POM121: variants seen among roughly 807,000 people sequenced by gnomAD.
The protein encoded by POM121 is POM121 transmembrane nucleoporin.
In POM121, 32 loss-of-function variants were observed where a neutral mutation model predicts 81.3. The ratio of observed to expected loss-of-function variants is 0.39; its 90% CI spans 0.30 to 0.53. The LOEUF (loss-of-function observed/expected upper bound fraction) is 0.53, where lower values mean the gene tolerates loss of function less well. Among genes scored for constraint, POM121 ranks in the 20% least tolerant of loss-of-function variants. POM121 has a pLI of 0.66. For synonymous variants in POM121, 514 were observed against 694.2 expected (o/e 0.74, Z 4.08); for missense variants, 1,138 against 1,614.6 (o/e 0.70, Z 5.06).
At chr7:72,928,160 A>G (rs1795650839) in intron 3 of POM121, among the ~76,000 whole-genome samples, 1 of 152,154 alleles carries the variant, frequency 6.6e-6, no homozygotes, top group Admixed American at 6.5e-5. Flanking sequence ...CAGTGAGCCA[A>G]GATCGTGCTA....
downstream of POM121, chr7:72,949,696 A>G (rs1216722835): frequency 4.3e-6 from 3 of 693,736 alleles, no homozygotes; most frequent in Admixed American, 4.1e-5. Flanking sequence ...TCACACCTGC[A>G]GTGGGGAAAG....
At chr7:72,911,792 A>G (rs1793831823) in intron 3 of POM121, among the ~76,000 whole-genome samples, 3 of 152,216 alleles carry the variant, frequency 2.0e-5, no homozygotes. Flanking sequence ...GCTTGTTGTT[A>G]TATCCCTAGT....
At position 72,925,700 on chromosome 7, in the gene POM121, C is replaced by T. The variant is rs1795366261; in HGVS notation, c.579C>T (p.Arg193=). The T allele has an allele frequency of 9.5e-6, 12 of 1,266,116 alleles. No homozygotes were observed. The highest frequency in any genetic ancestry group is 4.8e-5 in the African/African-American group (3 of 62,362). 78.4% of individuals were successfully genotyped at this position (1,266,116 alleles called of 1,614,324 possible). A position where few individuals can be genotyped will look rare whatever the true frequency, so the allele number is the denominator to read the frequency against. The part of the protein sequence containing the change: ...RSPPPSPPTH[R]AHHVYPSLPT... Reference sequence around the variant, plus strand: ...CCCCGCCCTCCCCGCCGACCCATCGCGCTCACCACGTTTACCCCTCTCTGC... The same window carrying T: ...CCCCGCCCTCCCCGCCGACCCATCGTGCTCACCACGTTTACCCCTCTCTGC... Residue 193 remains arginine (R), a synonymous_variant, in exon 1 of 13, where the codon CGC becomes CGT. Coordinates refer to ENST00000434423, the MANE Select transcript of POM121 (RefSeq NM_001387691.1).
At position 72,942,987 on chromosome 7, in the gene POM121, A is replaced by T. The variant is rs781785796; in HGVS notation, c.2994A>T (p.Gly998=). ...GCTTTGGCAGCTCTTTCACTTTTGG[A>T]AACTCTGCAGCCCCGGCTGCTGCAC... ...APSFGSSFTF[G]NSAAPAAAPT... Residue 998 remains glycine, a synonymous_variant, in exon 11 of 13, where the codon GGA becomes GGT. Coordinates refer to ENST00000434423, the MANE Select transcript of POM121 (RefSeq NM_001387691.1). 38 of 1,610,158 alleles carry T rather than the reference A, an allele frequency of 2.4e-5. No homozygotes were observed. The highest frequency in any genetic ancestry group is 3.1e-5 in the Non-Finnish European group (37 of 1,179,108).
At chr7:72,924,417 A>G (rs1554496615), upstream of POM121, 1 of 152,246 alleles carries the variant, frequency 6.6e-6, no homozygotes. Flanking sequence ...GCAGACTACC[A>G]GACTTTTTAA....
chr7:72,903,715 T>A (rs1792943494), intron 3 of POM121, among the ~76,000 whole-genome samples: 1 of 152,254 alleles, frequency 6.6e-6, no homozygotes, highest in South Asian at 2.1e-4. Context: ...TTTCCCTCTT[T>A]GTGGATTGCC....
intron 3 of POM121, among the ~76,000 whole-genome samples, chr7:72,912,247 A>G (rs1490799016): frequency 6.6e-6 from 1 of 152,226 alleles, no homozygotes; most frequent in Non-Finnish European, 1.5e-5. Flanking sequence ...AGTGCTCGCC[A>G]CGCACCATAT....
rs149716008 is a variant in POM121 at position 72,928,386 on chromosome 7, C to T, written c.1024C>T (p.Arg342Cys). 1.1e-5 allele frequency: 17 copies of T among 1,614,052 alleles called. No individual in the cohort carries two copies. Among genetic ancestry groups the T allele is most frequent in the African/African-American group, 2.7e-5 (2 of 74,920 alleles). ...FLDGQENKRR[R>C]HDSSGSGHSA... Reference sequence around the variant, plus strand: ...TGAGACTTTTTTGATTTGTCGCAGGCGCCATGATAGCAGTGGCAGTGGACA... The same window carrying T: ...TGAGACTTTTTTGATTTGTCGCAGGTGCCATGATAGCAGTGGCAGTGGACA... Residue 342 changes from arginine (R) to cysteine (C), a missense_variant and splice_region_variant, in exon 4 of 13, where the codon CGC (arginine) becomes TGC (cysteine). By Grantham distance (180) the Arg-to-Cys change is radical. This residue lies in a region of POM121 where 646 missense variants were observed against 633.5 expected (regional missense o/e 1.02). Coordinates refer to ENST00000434423, the MANE Select transcript of POM121 (RefSeq NM_001387691.1).
rs782700037 is a variant in POM121, at chr7:72,939,384, A to G, written c.1416A>G (p.Ala472=). The G allele has an allele frequency of 4.3e-6, 7 of 1,613,860 alleles. No homozygotes were observed. The South Asian group carries it at 7.7e-5, about 18-fold the overall frequency. Residue 472 remains alanine, a synonymous_variant, in exon 7 of 13, where the codon GCA becomes GCG. Transcript: ENST00000434423. ...HHSSSSTPLA[A]DRESQGEKAA... is the part of the protein sequence containing the mutation. The stretch of plus-strand genomic sequence containing the variant: ...CCAGTTCTTCAACTCCATTGGCAGC[A>G]GACAGGGAGTCCCAGGGAGAAAAGG...
exon 3 of POM121, chr7:72,891,073 G>A (rs568876661): frequency 9.4e-7 from 1 of 1,064,398 alleles, no homozygotes; most frequent in East Asian, 2.4e-5. Flanking sequence ...AGGAGCTGTG[G>A]ATAACGGGAG....
chr7:72,948,542 T>C (rs782273919), downstream of POM121: 6 of 1,613,392 alleles, frequency 3.7e-6, 1 homozygote, highest in African/African-American at 6.7e-5. Flanking sequence ...TTCTTTCTCT[T>C]TGGGGCTGGG....
intron 4 of POM121, among the ~76,000 whole-genome samples, chr7:72,914,244 T>C (rs1335041707): frequency 2.6e-5 from 4 of 152,198 alleles, no homozygotes; most frequent in African/African-American, 4.8e-5. Flanking sequence ...TATCAGCTCC[T>C]GGTTTTGTGA....
downstream of POM121, chr7:72,950,338 G>C: frequency 1.2e-6 from 1 of 845,102 alleles, no homozygotes; most frequent in South Asian, 1.8e-5. Context: ...ATCCGCAGTT[G>C]AGGGAATGGG....
chr7:72,931,785 G>A (rs1796050313), intron 5 of POM121, among the ~76,000 whole-genome samples: 1 of 152,144 alleles, frequency 6.6e-6, no homozygotes, highest in Non-Finnish European at 1.5e-5. Flanking sequence ...TGGCCAGGCT[G>A]GCATCGAACT....
chr7:72,937,586 A>G (rs1796634004), intron 5 of POM121, among the ~76,000 whole-genome samples: 1 of 151,708 alleles, frequency 6.6e-6, no homozygotes, highest in Admixed American at 6.6e-5. Flanking sequence ...CCCTTTTTGA[A>G]CTCTTATTAA....
chr7:72,907,966 T>C (rs1793433138), intron 3 of POM121, among the ~76,000 whole-genome samples: 1 of 152,196 alleles, frequency 6.6e-6, no homozygotes, highest in African/African-American at 2.4e-5. Flanking sequence ...TATGTAATTT[T>C]TTTTCTTATG....
chr7:72,927,033 C>G, intron 3 of POM121, 70 bp downstream of exon 3: 1 of 1,610,272 alleles, frequency 6.2e-7, no homozygotes, highest in South Asian at 1.1e-5. Context: ...GTAGACATTC[C>G]CATATAGATA....
intron 5 of POM121, among the ~76,000 whole-genome samples, chr7:72,935,318 A>AT (rs1796407197): frequency 6.6e-6 from 1 of 152,036 alleles, no homozygotes; most frequent in South Asian, 2.1e-4. Flanking sequence ...GACCACAGGC[A>AT]TGCATCACCA....
intron 1 of POM121, among the ~76,000 whole-genome samples, chr7:72,885,883 G>A (rs1790653175): frequency 6.6e-6 from 1 of 151,356 alleles, no homozygotes; most frequent in Non-Finnish European, 1.5e-5. Flanking sequence ...CTTTTGATTA[G>A]TTGAGAATTT....
Sources: allele counts gnomAD v4.1 joint callset (sites outside exome capture counted in the v4.1 genomes callset), GRCh38; gene constraint gnomAD v4.1.1; regional missense constraint gnomAD v4.1.1; transcripts MANE v1.5; gene names NCBI Gene and HGNC (gene_info 2026-07-23, HGNC 2026-07-21).